The following EHD2 variants were observed in gnomAD, a reference collection of about 807,000 sequenced individuals.
EHD2 encodes the protein EH domain-containing protein 2.
EHD2 carries 27 observed loss-of-function variants against 41.0 expected under a neutral mutation model. The ratio of observed to expected loss-of-function variants is 0.66; its 90% CI spans 0.49 to 0.91. EHD2 has a LOEUF of 0.91. Ranked by LOEUF, EHD2 falls within the 40% of genes least tolerant of loss-of-function variation. EHD2 has a pLI of 0.00. For missense variants in EHD2, 673 were observed against 773.9 expected, an observed-to-expected ratio of 0.87 and a Z score of 1.55; for synonymous variants, 342 against 341.0, an observed-to-expected ratio of 1.00 and a Z score of -0.03.
chr19:47,723,099 G>A (rs937796279), intron 3 of EHD2, among the ~76,000 whole-genome samples: 3 of 152,164 alleles, frequency 2.0e-5, no homozygotes, highest in African/African-American at 7.2e-5. Flanking sequence ...CTGGGGGTTG[G>A]GTCAGGCACT....
chr19:47,721,531 G>A (rs1261963228), intron 3 of EHD2, among the ~76,000 whole-genome samples: 1 of 151,728 alleles, frequency 6.6e-6, no homozygotes, highest in Non-Finnish European at 1.5e-5. Flanking sequence ...AGCCAGGCAG[G>A]TCTTGAACTC....
rs1966988393 is a variant in EHD2 at position 47,741,415 on chromosome 19, A to G, written c.1615A>G (p.Lys539Glu). The part of the protein sequence containing the change: ...RLVPPSKRRH[K>E]GSAE ...GGTGCCACCCTCCAAGCGACGCCAC[A>G]AGGGCTCCGCCGAGTGAGCCGGCCC... The change falls in exon 6 of 6, where the codon AAG becomes GAG. Residue 539 changes from lysine to glutamate, a missense_variant. By Grantham distance (56) the Lys-to-Glu change is moderately conservative. Transcript: ENST00000263277. This position sits in a 1 kb window ranked among gnomAD's most constrained non-coding sequence, Gnocchi z 4.5. 3.8e-6 allele frequency: 6 copies of G among 1,573,918 alleles called. No homozygotes were observed. Among genetic ancestry groups the G allele is most frequent in the Non-Finnish European group, 4.3e-6 (5 of 1,170,448 alleles).
intron 5 of EHD2, among the ~76,000 whole-genome samples, chr19:47,740,571 C>T (rs1379253222): frequency 1.5e-4 from 23 of 152,006 alleles, no homozygotes; most frequent in Admixed American, 1.5e-3. Flanking sequence ...CATGGTGAAA[C>T]GCTGTCTCTA....
chr19:47,721,507 G>T (rs1163164999), intron 3 of EHD2, among the ~76,000 whole-genome samples: 1 of 151,634 alleles, frequency 6.6e-6, no homozygotes, highest in Non-Finnish European at 1.5e-5. Flanking sequence ...GTAGAGACGG[G>T]GTTTCGCCGT....
intron 5 of EHD2, among the ~76,000 whole-genome samples, chr19:47,736,810 A>G (rs965980626): frequency 2.0e-5 from 3 of 152,352 alleles, no homozygotes; most frequent in Non-Finnish European, 4.4e-5. Flanking sequence ...GGTGCTTTAC[A>G]GAGCCAGGGA....
Position 47,732,640 on chromosome 19 carries a change from C to T in EHD2, c.916-3729C>T, listed in dbSNP as rs376544514. On this transcript the variant is annotated intron_variant, in intron 4 of 5. Coordinates refer to ENST00000263277, the MANE Select transcript of EHD2 (RefSeq NM_014601.4). ...CTTGCTATGTTGCCCAGGCTGGTCT[C>T]GAACTTCTGGCCTCAAGTGATCCTC... is the stretch of plus-strand genomic sequence containing the variant. 1.7e-4 allele frequency among the ~76,000 whole-genome samples: 26 copies of T among 152,094 alleles called. No homozygotes were observed. The East Asian group carries it at 2.7e-3, about 16-fold the overall frequency.
chr19:47,728,139 G>T (rs375236149), intron 4 of EHD2, among the ~76,000 whole-genome samples: 2 of 150,712 alleles, frequency 1.3e-5, no homozygotes, highest in South Asian at 4.2e-4. Flanking sequence ...CATCTTAGGC[G>T]CTTCACAGCA....
chr19:47,715,772 C>T (rs117941882), intron 1 of EHD2, among the ~76,000 whole-genome samples: 1,806 of 152,228 alleles, frequency 0.012, 21 homozygotes, highest in South Asian at 0.017. Flanking sequence ...TCAGCTGGTT[C>T]GCTACGATCT....
In EHD2 at chr19:47,742,090, G is replaced by A. The variant is rs1166756232; in HGVS notation, c.*658G>A. ...CCCTCCGCAGCCCCTTCCCTTGCTC[G>A]GGGAAAGCCCCCAATTCTGCCCACA... is the stretch of plus-strand genomic sequence containing the variant. On this transcript the variant is annotated 3_prime_UTR_variant, in exon 6 of 6. Transcript: ENST00000263277. 8.3e-6 allele frequency: 3 copies of A among 359,620 alleles called. No individual in the cohort carries two copies. Among genetic ancestry groups the A allele is most frequent in the Admixed American group, 3.9e-5 (1 of 25,374 alleles). 22.3% of individuals were successfully genotyped at this position (359,620 alleles called of 1,614,324 possible). A position where few individuals can be genotyped will look rare whatever the true frequency, so the allele number is the denominator to read the frequency against.
chr19:47,741,358 C>A lies in EHD2; in HGVS notation c.1558C>A (p.His520Asn). ...SHLIEAKLEG[H>N]GLPANLPRRL... ...CCTCATCGAGGCCAAGCTGGAAGGC[C>A]ACGGGCTGCCCGCCAACCTGCCCCG... The change falls in exon 6 of 6, where the codon CAC becomes AAC. Residue 520 changes from histidine (H) to asparagine (N), a missense_variant. His to Asn is a moderately conservative substitution (Grantham distance 68, BLOSUM62 1). Coordinates refer to ENST00000263277, the MANE Select transcript of EHD2 (RefSeq NM_014601.4). This position sits in a 1 kb window ranked among gnomAD's most constrained non-coding sequence, Gnocchi z 4.5. 6.2e-7 allele frequency: 1 copy of A among 1,609,330 alleles called. No homozygotes were observed. Among genetic ancestry groups the A allele is most frequent in the East Asian group, 2.2e-5 (1 of 44,856 alleles).
Position 47,716,428 on chromosome 19 carries a change from TTTGTGACCACA to T in EHD2, c.-55-129_-55-119del, listed in dbSNP as rs1238232116. On this transcript the variant is annotated intron_variant, in intron 1 of 5. Coordinates refer to ENST00000263277, the MANE Select transcript of EHD2 (RefSeq NM_014601.4). ...GCCATCCATGCTCTGTGACCACATATTTGTGACCACAAATATCTGTGCTCCTCCTCCTCCTC... is the reference window on the plus strand; with the variant it reads ...GCCATCCATGCTCTGTGACCACATATAATATCTGTGCTCCTCCTCCTCCTC... 4 of 578,796 alleles carry T rather than the reference TTTGTGACCACA, an allele frequency of 6.9e-6. No individual in the cohort carries two copies. In the African/African-American group the frequency reaches 8.6e-5, roughly 13 times the overall value. 35.9% of individuals were successfully genotyped at this position (578,796 alleles called of 1,614,324 possible).
intron 5 of EHD2, 115 bp downstream of exon 5, chr19:47,736,648 G>T (rs544360151): frequency 8.2e-7 from 1 of 1,214,860 alleles, no homozygotes; most frequent in Non-Finnish European, 1.1e-6. Flanking sequence ...TCTGGAAAGC[G>T]CCTCCCTCAA....
intron 3 of EHD2, among the ~76,000 whole-genome samples, chr19:47,721,998 CAG>C (rs1030831678): frequency 2.1e-5 from 3 of 142,028 alleles, no homozygotes; most frequent in Admixed American, 7.3e-5. Flanking sequence ...AATAAACAAA[CAG>C]AAAAACAAAA....
At position 47,741,431 on chromosome 19, in the gene EHD2, G is replaced by A. The variant is rs1966988720; in HGVS notation, c.1631G>A (p.Ter544=). 6.7e-7 allele frequency: 1 copy of A among 1,490,810 alleles called. No homozygotes were observed. 92.3% of individuals were successfully genotyped at this position (1,490,810 alleles called of 1,614,324 possible). A position where few individuals can be genotyped will look rare whatever the true frequency, so the allele number is the denominator to read the frequency against. The change falls in exon 6 of 6, where the codon TGA becomes TAA. Residue 544 remains the stop codon, a stop_retained_variant. Transcript: ENST00000263277. The surrounding 1 kb of genome is among the most constrained non-coding windows in gnomAD (Gnocchi z 4.5). ...SKRRHKGSAE[*] The stretch of plus-strand genomic sequence containing the variant: ...CGACGCCACAAGGGCTCCGCCGAGT[G>A]AGCCGGCCCCCCTCCCATGGCCCTG...
At chr19:47,731,121 G>T (rs983450159) in intron 4 of EHD2, among the ~76,000 whole-genome samples, 1 of 150,798 alleles carries the variant, frequency 6.6e-6, no homozygotes, top group African/African-American at 2.4e-5. Flanking sequence ...ATGTGCAAAG[G>T]CCCTGGGGCA....
At position 47,739,245 on chromosome 19, in the gene EHD2, C is replaced by T. The variant is rs529295374; in HGVS notation, c.1081-1636C>T. Reference sequence around the variant, plus strand: ...CTCCCAAAGTAGTTGGGACTGCAGGCGTGCACCACCACACCTGGCTAATTT... The same window carrying T: ...CTCCCAAAGTAGTTGGGACTGCAGGTGTGCACCACCACACCTGGCTAATTT... On this transcript the variant is annotated intron_variant, in intron 5 of 5. Transcript: ENST00000263277. Among the ~76,000 whole-genome samples the T allele has an allele frequency of 2.0e-3, 298 of 149,180 alleles. 2 individuals are homozygous for T. Among genetic ancestry groups the T allele is most frequent in the Non-Finnish European group, 2.1e-3 (141 of 67,540 alleles).
At chr19:47,724,738 C>T (rs1973731424) in intron 3 of EHD2, among the ~76,000 whole-genome samples, 1 of 152,042 alleles carries the variant, frequency 6.6e-6, no homozygotes. Flanking sequence ...ACATGAGACT[C>T]TCAGTAAGTA....
intron 4 of EHD2, 43 bp downstream of exon 4, chr19:47,726,267 T>C: frequency 1.4e-6 from 2 of 1,452,298 alleles, no homozygotes; most frequent in Non-Finnish European, 1.8e-6. Context: ...TGGAGGAGGT[T>C]TCCTCGGTCC....
intron 2 of EHD2, 101 bp from the exon 3 acceptor site, chr19:47,718,408 G>T (rs1386628786): frequency 9.1e-6 from 9 of 987,830 alleles, no homozygotes; most frequent in Non-Finnish European, 1.4e-5. Context: ...GCCCATAAAG[G>T]ATGCTTTGCC....
Sources: gnomAD v4.1 joint callset for allele counts (sites outside exome capture counted in the v4.1 genomes callset) on GRCh38, gnomAD v4.1.1 for gene constraint, Gnocchi (gnomAD v3.1) non-coding constraint, MANE v1.5 for transcripts, NCBI Gene and HGNC (gene_info 2026-07-23, HGNC 2026-07-21) for gene names.